Variants in FMN2 observed in about 807,000 individuals in gnomAD.
The protein encoded by FMN2 is formin 2.
In FMN2, 51 loss-of-function variants were observed where a neutral mutation model predicts 142.3. That is an observed-to-expected ratio of 0.36 (90% CI 0.29 to 0.45). The LOEUF (loss-of-function observed/expected upper bound fraction) is 0.45. Ranked by LOEUF, FMN2 falls within the 20% of genes least tolerant of loss-of-function variation. FMN2 has a pLI of 1.00. For synonymous variants in FMN2, 882 were observed against 869.8 expected (o/e 1.01, Z -0.25); for missense variants, 1,936 against 2,122.8 (o/e 0.91, Z 1.73).
intron 1 of FMN2, among the ~76,000 whole-genome samples, chr1:240,115,857 T>C (rs896205374): frequency 6.6e-6 from 1 of 152,238 alleles, no homozygotes; most frequent in East Asian, 1.9e-4. Flanking sequence ...TCTGACTGGC[T>C]ATTTTTATGG....
intron 13 of FMN2, among the ~76,000 whole-genome samples, chr1:240,343,811 G>A (rs573666546): frequency 3.3e-5 from 5 of 152,284 alleles, no homozygotes; most frequent in South Asian, 4.2e-4. Context: ...ATAGACGTAC[G>A]TAGTGAGCAG....
intron 15 of FMN2, chr1:240,400,538 G>A (rs1673942657): frequency 6.6e-6 from 1 of 152,210 alleles, no homozygotes; most frequent in South Asian, 2.1e-4. Flanking sequence ...GGTGTACTGT[G>A]GGCTTCCACC....
intron 13 of FMN2, among the ~76,000 whole-genome samples, chr1:240,334,583 T>G (rs1238566829): frequency 6.6e-6 from 1 of 152,220 alleles, no homozygotes; most frequent in Non-Finnish European, 1.5e-5. Flanking sequence ...TAAATAGTCC[T>G]TCCCCATTTT....
At chr1:240,242,096 C>A (rs560409323) in intron 6 of FMN2, among the ~76,000 whole-genome samples, 1 of 152,130 alleles carries the variant, frequency 6.6e-6, no homozygotes, top group Non-Finnish European at 1.5e-5. Flanking sequence ...CCGCCTGCCT[C>A]GGCCTCCCAA....
At chr1:240,154,315 A>G (rs1347038835) in intron 2 of FMN2, among the ~76,000 whole-genome samples, 1 of 152,094 alleles carries the variant, frequency 6.6e-6, no homozygotes, top group African/African-American at 2.4e-5. Context: ...GAAGCAATAA[A>G]CACCCGTGTA....
At chr1:240,224,179 T>C (rs1003276169) in intron 6 of FMN2, among the ~76,000 whole-genome samples, 1 of 152,240 alleles carries the variant, frequency 6.6e-6, no homozygotes, top group African/African-American at 2.4e-5. Context: ...TTCTGGTACG[T>C]TGTATCTTTG....
intron 1 of FMN2, among the ~76,000 whole-genome samples, chr1:240,113,951 A>G (rs1209958080): frequency 6.6e-6 from 1 of 152,162 alleles, no homozygotes; most frequent in Non-Finnish European, 1.5e-5. Context: ...TTTGTGTCAC[A>G]TATTTCTGTG....
chr1:240,198,821 T>C (rs1666023355), intron 4 of FMN2, among the ~76,000 whole-genome samples: 1 of 152,150 alleles, frequency 6.6e-6, no homozygotes, highest in Non-Finnish European at 1.5e-5. Flanking sequence ...ATTTAGAACA[T>C]GACAGCCTGG....
At chr1:240,143,189 A>G in intron 2 of FMN2, 1 of 1,588,030 alleles carries the variant, frequency 6.3e-7, no homozygotes, top group Non-Finnish European at 8.6e-7. Context: ...CATTATTGGT[A>G]CCACTGCCCA....
intron 16 of FMN2, among the ~76,000 whole-genome samples, chr1:240,439,992 G>A (rs1020175581): frequency 6.6e-6 from 1 of 152,084 alleles, no homozygotes; most frequent in South Asian, 2.1e-4. Context: ...TTCCCCTTGC[G>A]CGATTATTTT....
intron 3 of FMN2, among the ~76,000 whole-genome samples, chr1:240,181,288 G>A (rs1665139871): frequency 4.6e-5 from 7 of 152,226 alleles, no homozygotes; most frequent in Admixed American, 4.6e-4. Context: ...ACAGGCGTGA[G>A]CCACTGCACT....
At chr1:240,243,614 C>T (rs1667985118) in intron 6 of FMN2, among the ~76,000 whole-genome samples, 2 of 152,178 alleles carry the variant, frequency 1.3e-5, no homozygotes, top group Admixed American at 6.5e-5. Flanking sequence ...ATTTGCAAGA[C>T]ATTTTATGCT....
chr1:240,093,485 T>C lies in FMN2; in HGVS notation c.1376T>C (p.Leu459Pro), dbSNP rs1164426540. Residue 459 changes from leucine (L) to proline (P), a missense_variant, in exon 1 of 18, where the codon CTG becomes CCG. Leu to Pro is a moderately conservative substitution (Grantham distance 98). Around this residue, in one of 8 missense-constraint regions of FMN2, gnomAD observed 751 missense variants for 791.8 expected, o/e 0.95. Coordinates refer to ENST00000319653, the MANE Select transcript of FMN2 (RefSeq NM_020066.5). ...PSLSRGSRTA[L>P]ASVAAPAKKH... ...CTGAGCCGAGGGTCCAGAACTGCCCTGGCCTCCGTAGCCGCCCCGGCCAAG... is the reference window on the plus strand; with the variant it reads ...CTGAGCCGAGGGTCCAGAACTGCCCCGGCCTCCGTAGCCGCCCCGGCCAAG... 1 of 1,603,284 alleles carries C rather than the reference T, an allele frequency of 6.2e-7. No homozygotes were observed. Among genetic ancestry groups the C allele is most frequent in the Non-Finnish European group, 8.5e-7 (1 of 1,175,952 alleles).
Position 240,127,811 on chromosome 1 carries a change from G to T in FMN2, c.1782+4466G>T, listed in dbSNP as rs570348790. Among the ~76,000 whole-genome samples, 8 of 152,262 alleles carry T rather than the reference G, an allele frequency of 5.3e-5. No individual in the cohort carries two copies. The East Asian group carries it at 1.5e-3, about 29-fold the overall frequency. ...CTGCTCTTTGAATGATTGAGTGTAG[G>T]CAGGCACAGAAGTAGAAGCAGGAAG... On this transcript the variant is annotated intron_variant, in intron 2 of 17. Coordinates refer to ENST00000319653, the MANE Select transcript of FMN2 (RefSeq NM_020066.5).
At chr1:240,142,805 T>C (rs1404272170) in intron 2 of FMN2, 4 of 1,586,588 alleles carry the variant, frequency 2.5e-6, no homozygotes, top group African/African-American at 2.7e-5. Context: ...TCTGGAACCC[T>C]GTGATGGTCT....
chr1:240,189,496 A>G (rs1665618743), intron 4 of FMN2, among the ~76,000 whole-genome samples: 1 of 152,226 alleles, frequency 6.6e-6, no homozygotes, highest in Non-Finnish European at 1.5e-5. Flanking sequence ...CTGATAACTC[A>G]TCAAATAAAG....
intron 1 of FMN2, among the ~76,000 whole-genome samples, chr1:240,102,037 A>G (rs1489449406): frequency 6.6e-6 from 1 of 152,170 alleles, no homozygotes; most frequent in African/African-American, 2.4e-5. Context: ...AAGCAGTACT[A>G]TTAATTCTCT....
At chr1:240,197,958 T>A (rs1428648756) in intron 4 of FMN2, among the ~76,000 whole-genome samples, 1 of 152,056 alleles carries the variant, frequency 6.6e-6, no homozygotes, top group Admixed American at 6.5e-5. Context: ...CGTGAGCCAC[T>A]GTGCCTGGCC....
At chr1:240,252,953 C>CTTTTTTTTT (rs59902639) in intron 6 of FMN2, among the ~76,000 whole-genome samples, 7,170 of 64,554 alleles carry the variant, frequency 0.11, 1,723 homozygotes, top group African/African-American at 0.14. Context: ...GTCTTGTTCA[C>CTTTTTTTTT]TTTTTTTTTT....
Sources: gnomAD v4.1 joint callset for allele counts (sites outside exome capture counted in the v4.1 genomes callset) on GRCh38, gnomAD v4.1.1 for gene constraint, gnomAD v4.1.1 regional missense constraint, MANE v1.5 for transcripts, NCBI Gene and HGNC (gene_info 2026-07-23, HGNC 2026-07-21) for gene names.